INTS4: variants seen among roughly 807,000 people sequenced by gnomAD.
INTS4 encodes MSTP093.
Under a neutral mutation model 119.5 loss-of-function variants are expected in INTS4, and 70 were observed. The ratio of observed to expected loss-of-function variants is 0.59; its 90% CI spans 0.48 to 0.71. INTS4 has a LOEUF of 0.71. Among genes scored for constraint, INTS4 ranks in the 30% least tolerant of loss-of-function variants. INTS4 has a pLI of 0.00. For synonymous variants in INTS4, 316 were observed against 419.6 expected, an observed-to-expected ratio of 0.75 and a Z score of 3.02; for missense variants, 867 against 1,173.2, an observed-to-expected ratio of 0.74 and a Z score of 3.81.
chr11:77,988,714 T>C (rs1856550493), intron 2 of INTS4, among the ~76,000 whole-genome samples: 1 of 152,192 alleles, frequency 6.6e-6, no homozygotes, highest in Non-Finnish European at 1.5e-5. Flanking sequence ...TTGTCAAAAA[T>C]ATGCTTAACT....
intron 10 of INTS4, among the ~76,000 whole-genome samples, chr11:77,930,008 C>T (rs909898187): frequency 9.2e-5 from 14 of 152,154 alleles, no homozygotes; most frequent in Non-Finnish European, 1.0e-4. Flanking sequence ...AGCCACTGAT[C>T]CGAGGAAGCC....
At chr11:77,979,123 T>C (rs368188472) in intron 3 of INTS4, 21 bp from the exon 4 acceptor site, 20 of 1,501,020 alleles carry the variant, frequency 1.3e-5, no homozygotes, top group African/African-American at 2.8e-5. Context: ...AGATAGAAAG[T>C]TGGCTTGTAG....
chr11:77,888,035 G>A (rs1336307109), intron 21 of INTS4, among the ~76,000 whole-genome samples: 1 of 152,114 alleles, frequency 6.6e-6, no homozygotes, highest in East Asian at 1.9e-4. Flanking sequence ...TCCCCATCAA[G>A]CTACCAATGA....
chr11:77,908,157 T>C (rs1390785907), intron 15 of INTS4, among the ~76,000 whole-genome samples: 2 of 152,342 alleles, frequency 1.3e-5, no homozygotes, highest in South Asian at 2.1e-4. Context: ...TGGACTATTA[T>C]AGTAAAAACT....
intron 9 of INTS4, among the ~76,000 whole-genome samples, chr11:77,939,762 T>TTGAGC (rs1953884437): frequency 6.7e-6 from 1 of 150,118 alleles, no homozygotes; most frequent in Non-Finnish European, 1.5e-5. Context: ...AGAGGATCAC[T>TTGAGC]TGAGCCCGGG....
chr11:77,921,379 G>T lies in INTS4; in HGVS notation c.1725C>A (p.Tyr575Ter), dbSNP rs760869280. ...FSDHTFRHYA[Y>*]LRDSLSHLVP... ...CAAGATGAGAAAGACTGTCTCGGAG[G>T]TAGGCATAGTGCCTGAAGGTGTGAT... Residue 575 changes from tyrosine to a stop codon, truncating the protein, a stop_gained, in exon 14 of 23, where the codon TAC becomes TAA. Coordinates refer to ENST00000534064, the MANE Select transcript of INTS4 (RefSeq NM_033547.4). LOFTEE classifies it high-confidence loss of function. The T allele has an allele frequency of 6.2e-7, 1 of 1,613,340 alleles. No homozygotes were observed. Among genetic ancestry groups the T allele is most frequent in the South Asian group, 1.1e-5 (1 of 91,060 alleles).
intron 4 of INTS4, among the ~76,000 whole-genome samples, chr11:77,961,666 T>G (rs1400128533): frequency 2.6e-5 from 4 of 152,124 alleles, no homozygotes; most frequent in Non-Finnish European, 5.9e-5. Flanking sequence ...CCACCAAAAA[T>G]AGCTACTATC....
At chr11:77,938,451 C>T (rs1251872557) in intron 10 of INTS4, among the ~76,000 whole-genome samples, 200 bp downstream of exon 10, 1 of 152,142 alleles carries the variant, frequency 6.6e-6, no homozygotes, top group Non-Finnish European at 1.5e-5. Context: ...ATTGACTGAA[C>T]CCAAATCTCT....
At chr11:77,946,617 C>T (rs1218086243) in intron 8 of INTS4, among the ~76,000 whole-genome samples, 3 of 151,718 alleles carry the variant, frequency 2.0e-5, no homozygotes, top group East Asian at 3.9e-4. Context: ...AAAAATTAGT[C>T]GGGTGTGGTG....
chr11:77,980,237 T>C (rs1856152962), intron 3 of INTS4, among the ~76,000 whole-genome samples: 1 of 152,084 alleles, frequency 6.6e-6, no homozygotes, highest in South Asian at 2.1e-4. Context: ...CCTGACTCCA[T>C]TCTTGACCCC....
intron 3 of INTS4, among the ~76,000 whole-genome samples, chr11:77,979,993 A>C (rs1443218068): frequency 4.2e-5 from 5 of 117,876 alleles, no homozygotes; most frequent in Non-Finnish European, 8.9e-5. Context: ...AAAAAAAAAA[A>C]AGAAGAAACA....
At position 77,965,978 on chromosome 11, in the gene INTS4, C is replaced by T. The variant is rs115326059; in HGVS notation, c.472-4840G>A. On this transcript the variant is annotated intron_variant, in intron 4 of 22. Transcript: ENST00000534064. ...GGGTTTCCTTGTCTCCCCATACCAA[C>T]ACTTGTTATTGTTCATCTTTTTTAT... Among the ~76,000 whole-genome samples, 660 of 152,264 alleles carry T rather than the reference C, an allele frequency of 4.3e-3. 3 individuals carry two copies. Among genetic ancestry groups the T allele is most frequent in the African/African-American group, 0.015 (625 of 41,570 alleles).
At chr11:77,981,657 CAA>C (rs1856225697) in intron 2 of INTS4, 81 bp from the exon 3 acceptor site, 1 of 597,104 alleles carries the variant, frequency 1.7e-6, no homozygotes, top group African/African-American at 1.9e-5. Flanking sequence ...ACTAACATCC[CAA>C]AAGAGATTCA....
intron 12 of INTS4, among the ~76,000 whole-genome samples, chr11:77,923,487 A>T (rs1953416758): frequency 6.6e-6 from 1 of 152,114 alleles, no homozygotes; most frequent in South Asian, 2.1e-4. Flanking sequence ...TGTGGGCAAA[A>T]ACATTCTGAT....
At chr11:77,968,178 C>T (rs1186469385) in intron 4 of INTS4, among the ~76,000 whole-genome samples, 1 of 152,082 alleles carries the variant, frequency 6.6e-6, no homozygotes, top group Admixed American at 6.6e-5. Flanking sequence ...TGCAGTCCAT[C>T]CTTGACTGAA....
intron 15 of INTS4, chr11:77,917,893 A>C: frequency 1.7e-6 from 1 of 575,196 alleles, no homozygotes; most frequent in Non-Finnish European, 3.1e-6. Context: ...GTCACCCAGA[A>C]TAAAGACTGC....
chr11:77,893,302 ATGCAAGTGTAAGAACAGTGTGGG>A (rs1160661047), intron 19 of INTS4, among the ~76,000 whole-genome samples: 2 of 152,252 alleles, frequency 1.3e-5, no homozygotes, highest in African/African-American at 4.8e-5. Context: ...ATAGAGAAAT[ATGCAAGTGTAAGAACAGTGTGGG>A]CCTGGTGCAG....
intron 4 of INTS4, among the ~76,000 whole-genome samples, chr11:77,972,842 T>TTTTTAATACA (rs1156669749): frequency 6.6e-6 from 1 of 151,758 alleles, no homozygotes; most frequent in Non-Finnish European, 1.5e-5. Flanking sequence ...TTTTTTTTTT[T>TTTTTAATACA]TTTTAATACA....
At chr11:77,992,447 T>C (rs1344840228) in intron 1 of INTS4, among the ~76,000 whole-genome samples, 1 of 151,724 alleles carries the variant, frequency 6.6e-6, no homozygotes, top group Non-Finnish European at 1.5e-5. Flanking sequence ...ACACCTGAAA[T>C]CCTAGCACTT....
Sources: allele counts gnomAD v4.1 joint callset (sites outside exome capture counted in the v4.1 genomes callset), GRCh38; gene constraint gnomAD v4.1.1; transcripts MANE v1.5; gene names NCBI Gene and HGNC (gene_info 2026-07-23, HGNC 2026-07-21).